Variants in RLN2 observed in about 807,000 individuals in gnomAD.
RLN2 encodes prorelaxin H2.
In RLN2, 10 loss-of-function variants were observed where a neutral mutation model predicts 7.3. The observed-to-expected ratio is 1.36, with a 90% CI of 0.84 to 2.31. RLN2 has a LOEUF of 2.31. Among genes scored for constraint, RLN2 ranks in the 30% most tolerant of loss-of-function variants. The probability of loss-of-function intolerance (pLI) is 0.00; values close to 1 mark genes in which losing one functional copy is unlikely to be tolerated. For missense variants in RLN2, 298 were observed against 217.6 expected (o/e 1.37, Z -2.32); for synonymous variants, 103 against 82.3 (o/e 1.25, Z -1.36).
chr9:5,314,852 C>A, the RLN2 span, among the ~76,000 whole-genome samples: 34 of 151,792 alleles, frequency 2.2e-4, no homozygotes, highest in Middle Eastern at 6.8e-3. Context: ...TGCAGTCCCT[C>A]GTGTCCTGGG....
chr9:5,327,119 G>C, the RLN2 span, among the ~76,000 whole-genome samples: 9 of 152,162 alleles, frequency 5.9e-5, no homozygotes, highest in African/African-American at 2.2e-4. Context: ...ATGCAAGGTT[G>C]GGGAGGATTT....
At chr9:5,326,165 T>C in the RLN2 span, among the ~76,000 whole-genome samples, 1 of 152,156 alleles carries the variant, frequency 6.6e-6, no homozygotes, top group Non-Finnish European at 1.5e-5. Flanking sequence ...GTGTTCCTTA[T>C]AAATGCAGGT....
At position 5,304,386 on chromosome 9, in the gene RLN2, T is replaced by C; in HGVS notation, c.195A>G (p.Thr65=). 1.9e-6 allele frequency: 3 copies of C among 1,600,130 alleles called. No homozygotes were observed. Among genetic ancestry groups the C allele is most frequent in the Non-Finnish European group, 2.6e-6 (3 of 1,174,612 alleles). Residue 65 remains threonine, a synonymous_variant, in exon 1 of 2, where the codon ACA becomes ACG. Transcript: ENST00000381627. The part of the protein sequence containing the change: ...RSLSQEDAPQ[T]PRPVAEIVPS... Reference sequence around the variant, plus strand: ...AGCTCTCACCTGCCACTGGTCTAGGTGTCTGAGGAGCATCTTCCTGGCTCA... The same window carrying C: ...AGCTCTCACCTGCCACTGGTCTAGGCGTCTGAGGAGCATCTTCCTGGCTCA...
At chr9:5,326,258 A>C in the RLN2 span, among the ~76,000 whole-genome samples, 2 of 152,110 alleles carry the variant, frequency 1.3e-5, no homozygotes, top group Admixed American at 1.3e-4. Flanking sequence ...TGGTAACCTC[A>C]AGGGATGAAA....
At chr9:5,324,837 T>A in the RLN2 span, among the ~76,000 whole-genome samples, 1 of 152,096 alleles carries the variant, frequency 6.6e-6, no homozygotes, top group African/African-American at 2.4e-5. Flanking sequence ...GGTTCTATCC[T>A]TAACATAAAC....
upstream of RLN2, among the ~76,000 whole-genome samples, chr9:5,308,538 C>A (rs777064955): frequency 3.3e-5 from 5 of 151,948 alleles, no homozygotes; most frequent in Admixed American, 6.6e-5. Flanking sequence ...CAGTCTCTGA[C>A]CATACAATCC....
the RLN2 span, among the ~76,000 whole-genome samples, chr9:5,337,042 C>T: frequency 6.6e-6 from 1 of 151,976 alleles, no homozygotes; most frequent in Non-Finnish European, 1.5e-5. Context: ...TTGTCTTTGC[C>T]CCTAACACTC....
chr9:5,324,838 T>G, the RLN2 span, among the ~76,000 whole-genome samples: 2 of 152,042 alleles, frequency 1.3e-5, no homozygotes, highest in African/African-American at 2.4e-5. Context: ...GTTCTATCCT[T>G]AACATAAACA....
At chr9:5,316,169 G>T in the RLN2 span, among the ~76,000 whole-genome samples, 1 of 151,974 alleles carries the variant, frequency 6.6e-6, no homozygotes, top group Non-Finnish European at 1.5e-5. Context: ...CATAATTTTT[G>T]AGTATATATT....
At chr9:5,316,968 G>C in the RLN2 span, among the ~76,000 whole-genome samples, 1 of 152,016 alleles carries the variant, frequency 6.6e-6, no homozygotes, top group African/African-American at 2.4e-5. Flanking sequence ...AAAGTCTAGA[G>C]TTGTTGTATG....
the RLN2 span, among the ~76,000 whole-genome samples, chr9:5,329,697 CAAG>C: frequency 5.9e-5 from 9 of 151,788 alleles, no homozygotes; most frequent in Non-Finnish European, 1.2e-4. Flanking sequence ...ATCAATTCAC[CAAG>C]AAGAGCTCAC....
the RLN2 span, among the ~76,000 whole-genome samples, chr9:5,331,055 T>G: frequency 6.6e-6 from 1 of 151,968 alleles, no homozygotes. Flanking sequence ...CAGGAAGAAG[T>G]TGAATCTCTG....
At chr9:5,325,755 A>C in the RLN2 span, among the ~76,000 whole-genome samples, 311 of 152,206 alleles carry the variant, frequency 2.0e-3, 2 homozygotes, top group African/African-American at 7.2e-3. Context: ...ACAAGCCAAT[A>C]TCATCTTAAT....
upstream of RLN2, among the ~76,000 whole-genome samples, chr9:5,307,165 C>T (rs1476020139): frequency 6.6e-6 from 1 of 151,882 alleles, no homozygotes; most frequent in Non-Finnish European, 1.5e-5. Flanking sequence ...TGCTTTTTCT[C>T]ACAGGCTCTT....
chr9:5,314,169 T>C, the RLN2 span, among the ~76,000 whole-genome samples: 1 of 152,042 alleles, frequency 6.6e-6, no homozygotes, highest in Non-Finnish European at 1.5e-5. Context: ...GGCTACTGCA[T>C]TTGAAATCAG....
the RLN2 span, among the ~76,000 whole-genome samples, chr9:5,337,968 G>A: frequency 1.3e-4 from 20 of 151,876 alleles, no homozygotes; most frequent in African/African-American, 4.8e-4. Context: ...TTATGTTTTG[G>A]GATAATAACA....
upstream of RLN2, among the ~76,000 whole-genome samples, chr9:5,307,418 G>T (rs534546919): frequency 2.0e-5 from 3 of 152,006 alleles, no homozygotes; most frequent in South Asian, 6.3e-4. Context: ...ATACTTTAGT[G>T]GCACTTGAAT....
At chr9:5,322,198 G>A in the RLN2 span, among the ~76,000 whole-genome samples, 1 of 151,814 alleles carries the variant, frequency 6.6e-6, no homozygotes, top group Non-Finnish European at 1.5e-5. Flanking sequence ...TTGTGACTCT[G>A]GGAAAGCTGA....
At chr9:5,322,693 G>C in the RLN2 span, among the ~76,000 whole-genome samples, 1 of 151,918 alleles carries the variant, frequency 6.6e-6, no homozygotes, top group Non-Finnish European at 1.5e-5. Context: ...ATAGAATATG[G>C]GGGTATAAAG....
Sources: allele counts gnomAD v4.1 joint callset (sites outside exome capture counted in the v4.1 genomes callset), GRCh38; gene constraint gnomAD v4.1.1; transcripts MANE v1.5; gene names NCBI Gene and HGNC (gene_info 2026-07-23, HGNC 2026-07-21).